LRFN5: variants seen among roughly 807,000 people sequenced by gnomAD.
The protein encoded by LRFN5 is leucine-rich repeat and fibronectin type-III domain-containing protein 5.
In LRFN5, 24 loss-of-function variants were observed where a neutral mutation model predicts 45.6. The ratio of observed to expected loss-of-function variants is 0.53; its 90% CI spans 0.38 to 0.74. LRFN5 has a LOEUF of 0.74. Among genes scored for constraint, LRFN5 ranks in the 30% least tolerant of loss-of-function variants. The pLI, the probability that LRFN5 is intolerant of heterozygous loss-of-function variation, is 0.00. For missense variants in LRFN5, 776 were observed against 861.5 expected, an observed-to-expected ratio of 0.90 and a Z score of 1.24; for synonymous variants, 340 against 313.8, an observed-to-expected ratio of 1.08 and a Z score of -0.88.
At position 41,836,406 on chromosome 14, in the gene LRFN5, C is replaced by T. The variant is rs556523878; in HGVS notation, c.-20-50200C>T. Reference sequence around the variant, plus strand: ...CACATACTTGATATACATGTATATACATATAAGTAGACATGTGTATGTTTG... The same window carrying T: ...CACATACTTGATATACATGTATATATATATAAGTAGACATGTGTATGTTTG... On this transcript the variant is annotated intron_variant, in intron 2 of 5. Coordinates refer to ENST00000298119, the MANE Select transcript of LRFN5 (RefSeq NM_152447.5). 3.3e-3 allele frequency among the ~76,000 whole-genome samples: 496 copies of T among 152,168 alleles called. 2 individuals carry two copies. The highest frequency in any genetic ancestry group is 5.6e-3 in the Non-Finnish European group (381 of 68,016).
rs116313524 is a variant in LRFN5, at chr14:41,801,095, T to C, written c.-21+34066T>C. On this transcript the variant is annotated intron_variant, in intron 2 of 5. Transcript: ENST00000298119. ...ATATGTACATATTACATAATATACATGTGAAAATATTGGTAAAGGAGTAGA... is the reference window on the plus strand; with the variant it reads ...ATATGTACATATTACATAATATACACGTGAAAATATTGGTAAAGGAGTAGA... Among the ~76,000 whole-genome samples the C allele has an allele frequency of 9.4e-3, 1,434 of 152,168 alleles. 22 individuals are homozygous for C. Among genetic ancestry groups the C allele is most frequent in the African/African-American group, 0.033 (1,375 of 41,534 alleles).
intron 2 of LRFN5, among the ~76,000 whole-genome samples, chr14:41,810,497 G>T (rs1221917291): frequency 6.6e-6 from 1 of 151,970 alleles, no homozygotes; most frequent in African/African-American, 2.4e-5. Flanking sequence ...GACAGCCAAG[G>T]TATTGTTGAC....
At chr14:41,632,329 C>T (rs2593761) in intron 1 of LRFN5, among the ~76,000 whole-genome samples, 31,320 of 152,046 alleles carry the variant, frequency 0.21, 3,510 homozygotes, top group Middle Eastern at 0.27. Flanking sequence ...GTTGGCCGGG[C>T]GTGGTGGCTC....
At chr14:41,651,346 C>G (rs796658613) in intron 1 of LRFN5, among the ~76,000 whole-genome samples, 13 of 152,230 alleles carry the variant, frequency 8.5e-5, no homozygotes, top group African/African-American at 3.1e-4. Context: ...AGTACTGAAT[C>G]TCAAAAGGAG....
intron 1 of LRFN5, among the ~76,000 whole-genome samples, chr14:41,681,827 T>TA (rs58384478): frequency 0.013 from 1,839 of 141,668 alleles, 27 homozygotes; most frequent in South Asian, 0.06. Context: ...TTTATTTATT[T>TA]TTTTTTTTTG....
At position 41,889,110 on chromosome 14, in the gene LRFN5, G is replaced by GTC. The variant is rs5808162; in HGVS notation, c.1385+1104_1385+1105dup. Among the ~76,000 whole-genome samples the GTC allele has an allele frequency of 1.5e-3, 228 of 147,352 alleles. 1 individual carries two copies. The highest frequency in any genetic ancestry group is 4.4e-3 in the African/African-American group (177 of 40,154). ...TATATATATATGTCTATATATATAT[G>GTC]TCTCTATATATATATATATATTCTG... On this transcript the variant is annotated intron_variant, in intron 3 of 5. Coordinates refer to ENST00000298119, the MANE Select transcript of LRFN5 (RefSeq NM_152447.5).
chr14:41,711,910 A>C (rs1315822987), intron 1 of LRFN5, among the ~76,000 whole-genome samples: 2 of 152,228 alleles, frequency 1.3e-5, no homozygotes, highest in Non-Finnish European at 2.9e-5. Flanking sequence ...ATATGAATCA[A>C]AATGATGCTT....
At chr14:41,870,246 T>C (rs1458075589) in intron 2 of LRFN5, among the ~76,000 whole-genome samples, 2 of 152,146 alleles carry the variant, frequency 1.3e-5, no homozygotes, top group Admixed American at 1.3e-4. Context: ...AGCCAGCAAT[T>C]AAGAGAGGGA....
At chr14:41,741,743 A>G (rs1462355049) in intron 1 of LRFN5, among the ~76,000 whole-genome samples, 1 of 151,682 alleles carries the variant, frequency 6.6e-6, no homozygotes, top group African/African-American at 2.4e-5. Context: ...ACAACAATTT[A>G]CATAGTGGAG....
intron 5 of LRFN5, among the ~76,000 whole-genome samples, chr14:41,903,012 TA>T (rs1294584713): frequency 6.6e-6 from 1 of 151,708 alleles, no homozygotes; most frequent in African/African-American, 2.4e-5. Context: ...AGTAGCTTTT[TA>T]AAAAGTAATT....
intron 2 of LRFN5, among the ~76,000 whole-genome samples, chr14:41,792,663 G>T (rs1006331574): frequency 6.6e-6 from 1 of 151,802 alleles, no homozygotes; most frequent in Non-Finnish European, 1.5e-5. Flanking sequence ...GCCTGACCCC[G>T]CAGGCAGTCA....
At chr14:41,736,175 T>G (rs1003222743) in intron 1 of LRFN5, among the ~76,000 whole-genome samples, 1 of 152,114 alleles carries the variant, frequency 6.6e-6, no homozygotes, top group Admixed American at 6.6e-5. Context: ...CTTGAGGAAT[T>G]GCCACACTGT....
In LRFN5 at chr14:41,886,614, A is replaced by T. The variant is rs758785872; in HGVS notation, c.-12A>T. 6.4e-7 allele frequency: 1 copy of T among 1,558,238 alleles called. No individual in the cohort carries two copies. Among genetic ancestry groups the T allele is most frequent in the Non-Finnish European group, 8.6e-7 (1 of 1,157,778 alleles). On this transcript the variant is annotated 5_prime_UTR_variant, in exon 3 of 6. Coordinates refer to ENST00000298119, the MANE Select transcript of LRFN5 (RefSeq NM_152447.5). ...TGTGTCTTCCGTTACAGGCTCTTAAACCTGATCTACAATGGAAAAAATTCT... is the reference window on the plus strand; with the variant it reads ...TGTGTCTTCCGTTACAGGCTCTTAATCCTGATCTACAATGGAAAAAATTCT...
chr14:41,746,751 G>T (rs954541633), intron 1 of LRFN5, among the ~76,000 whole-genome samples: 1 of 151,914 alleles, frequency 6.6e-6, no homozygotes, highest in Non-Finnish European at 1.5e-5. Context: ...TGAAAAGAAA[G>T]AAATAAAATT....
intron 1 of LRFN5, among the ~76,000 whole-genome samples, chr14:41,722,577 TCTTTC>T (rs1883769316): frequency 2.0e-5 from 3 of 151,300 alleles, no homozygotes; most frequent in South Asian, 2.1e-4. Flanking sequence ...TTTTTTTTTT[TCTTTC>T]TCTTTCCCTT....
chr14:41,674,498 C>T (rs1448812815), intron 1 of LRFN5, among the ~76,000 whole-genome samples: 7 of 141,094 alleles, frequency 5.0e-5, no homozygotes, highest in South Asian at 4.7e-4. Flanking sequence ...GCTGGCCGGG[C>T]GGGGGGCTGA....
chr14:41,902,588 G>C lies in LRFN5; in HGVS notation c.2143-1570G>C, dbSNP rs542893484. ...CCATAATTTTACAGTTTGTTAATAT[G>C]ATTAGTTAATGTGAAACTCTAGTAA... On this transcript the variant is annotated intron_variant, in intron 5 of 5. Transcript: ENST00000298119. 3.4e-3 allele frequency among the ~76,000 whole-genome samples: 517 copies of C among 151,782 alleles called. 3 individuals are homozygous for C. Among genetic ancestry groups the C allele is most frequent in the African/African-American group, 0.012 (480 of 41,490 alleles).
chr14:41,765,859 A>T (rs1477077766), intron 1 of LRFN5, among the ~76,000 whole-genome samples: 6 of 152,170 alleles, frequency 3.9e-5, no homozygotes, highest in Admixed American at 3.3e-4. Context: ...ATTAAGCAAT[A>T]GCTTAATTTT....
intron 2 of LRFN5, among the ~76,000 whole-genome samples, chr14:41,829,461 A>G (rs567282575): frequency 6.6e-6 from 1 of 151,948 alleles, no homozygotes; most frequent in Non-Finnish European, 1.5e-5. Flanking sequence ...GCAATTTCAG[A>G]CAAATTGTCG....
Sources: allele counts gnomAD v4.1 joint callset (sites outside exome capture counted in the v4.1 genomes callset), GRCh38; gene constraint gnomAD v4.1.1; transcripts MANE v1.5; gene names NCBI Gene and HGNC (gene_info 2026-07-23, HGNC 2026-07-21).